The following QPCT variants were observed in gnomAD, a reference collection of about 807,000 sequenced individuals.
QPCT encodes glutaminyl-peptide cyclotransferase.
QPCT carries 44 observed loss-of-function variants against 43.4 expected under a neutral mutation model. The ratio of observed to expected loss-of-function variants is 1.01; its 90% CI spans 0.80 to 1.30. The LOEUF (loss-of-function observed/expected upper bound fraction) is 1.30. Ranked by LOEUF, QPCT falls within the 50% of genes most tolerant of loss-of-function variation. QPCT has a pLI of 0.00. For synonymous variants in QPCT, 168 were observed against 168.4 expected (o/e 1.00, Z 0.02); for missense variants, 526 against 436.5 (o/e 1.21, Z -1.83).
At chr2:37,350,927 T>C in intron 1 of QPCT, among the ~76,000 whole-genome samples, 1 of 152,274 alleles carries the variant, frequency 6.6e-6, no homozygotes, top group Non-Finnish European at 1.5e-5. Flanking sequence ...TGAGCCTTAA[T>C]GAGGTTTAGT....
Position 37,372,829 on chromosome 2 carries a change from A to T in QPCT, c.*2A>T, listed in dbSNP as rs1673110893. 6.2e-7 allele frequency: 1 copy of T among 1,601,404 alleles called. No homozygotes were observed. Among genetic ancestry groups the T allele is most frequent in the African/African-American group, 1.3e-5 (1 of 74,450 alleles). ...GTGTTGGAATATCTTCATTTGTAATACTCTGATTTAGTTTAGGATAATTGG... is the reference window on the plus strand; with the variant it reads ...GTGTTGGAATATCTTCATTTGTAATTCTCTGATTTAGTTTAGGATAATTGG... On this transcript the variant is annotated 3_prime_UTR_variant, in exon 7 of 7. Coordinates refer to ENST00000338415, the MANE Select transcript of QPCT (RefSeq NM_012413.4).
chr2:37,349,117 G>A (rs1279752595), intron 1 of QPCT, among the ~76,000 whole-genome samples: 1 of 152,224 alleles, frequency 6.6e-6, no homozygotes, highest in Non-Finnish European at 1.5e-5. Flanking sequence ...TTGACTGAGT[G>A]TAGTTGGTTG....
intron 3 of QPCT, 60 bp downstream of exon 3, chr2:37,359,918 A>T (rs999251772): frequency 5.4e-5 from 83 of 1,523,668 alleles, no homozygotes; most frequent in Non-Finnish European, 7.4e-5. Flanking sequence ...ACTCAGAGTG[A>T]ATTCTAGAAT....
chr2:37,362,216 C>T (rs938336783), intron 3 of QPCT, among the ~76,000 whole-genome samples: 2 of 152,180 alleles, frequency 1.3e-5, no homozygotes, highest in South Asian at 2.1e-4. Context: ...GAGCAGAATG[C>T]CTCTTGTCCC....
chr2:37,367,055 G>C, intron 3 of QPCT, 177 bp from the exon 4 acceptor site: 2 of 619,608 alleles, frequency 3.2e-6, no homozygotes, highest in Non-Finnish European at 5.6e-6. Context: ...GACTGTGGGA[G>C]GTGTGATGAC....
rs917714253 is a variant in QPCT at position 37,353,733 on chromosome 2, C to T, written c.267+798C>T. Among the ~76,000 whole-genome samples the T allele has an allele frequency of 5.3e-5, 8 of 152,254 alleles. No homozygotes were observed. The East Asian group carries it at 1.4e-3, about 26-fold the overall frequency. ...GAATATCTGTTTTTTTCAAACTAGCCCCATTTTAAGGGGCCGCTTGGGAAG... is the reference window on the plus strand; with the variant it reads ...GAATATCTGTTTTTTTCAAACTAGCTCCATTTTAAGGGGCCGCTTGGGAAG... On this transcript the variant is annotated intron_variant, in intron 2 of 6. Coordinates refer to ENST00000338415, the MANE Select transcript of QPCT (RefSeq NM_012413.4).
At chr2:37,369,650 G>C (rs1673032183) in intron 4 of QPCT, 35 bp from the exon 5 acceptor site, 1 of 1,451,936 alleles carries the variant, frequency 6.9e-7, no homozygotes, top group Non-Finnish European at 9.7e-7. Flanking sequence ...ACACGTTTTG[G>C]TGATGGTGAT....
intron 4 of QPCT, chr2:37,368,785 A>T (rs1271125765): frequency 2.4e-6 from 1 of 422,410 alleles, no homozygotes; most frequent in East Asian, 7.4e-5. Context: ...CAAATATATG[A>T]AGCCACAGTG....
intron 2 of QPCT, among the ~76,000 whole-genome samples, chr2:37,353,147 A>C (rs936100307): frequency 6.6e-6 from 1 of 152,194 alleles, no homozygotes; most frequent in African/African-American, 2.4e-5. Context: ...TATGTGTGAA[A>C]TCTCTATTTG....
At chr2:37,344,880 T>C in intron 1 of QPCT, 29 bp downstream of exon 1, 1 of 1,554,880 alleles carries the variant, frequency 6.4e-7, no homozygotes, top group Non-Finnish European at 8.7e-7. Flanking sequence ...GTAGTTGTAC[T>C]TGAGCGGCTC....
At position 37,344,715 on chromosome 2, in the gene QPCT, C is replaced by A. The variant is rs1451533746; in HGVS notation, c.-17C>A. 1 of 1,594,236 alleles carries A rather than the reference C, an allele frequency of 6.3e-7. No homozygotes were observed. Among genetic ancestry groups the A allele is most frequent in the Admixed American group, 1.7e-5 (1 of 57,658 alleles). ...GCCAGCGGCCCGGGGAACCCGCTCC[C>A]AGACAGACTCGGAGAGATGGCAGGC... On this transcript the variant is annotated 5_prime_UTR_variant, in exon 1 of 7. Transcript: ENST00000338415.
Position 37,367,227 on chromosome 2 carries a change from A to G in QPCT, c.547-5A>G, listed in dbSNP as rs1275496601. On this transcript the variant is annotated splice_polypyrimidine_tract_variant and splice_region_variant and intron_variant, in intron 3 of 6. Coordinates refer to ENST00000338415, the MANE Select transcript of QPCT (RefSeq NM_012413.4). ...TTGCTATGTTTTTATTGTTGTTTTTACCAGACTGTTTCAGACTCCAAGCCA... is the reference window on the plus strand; with the variant it reads ...TTGCTATGTTTTTATTGTTGTTTTTGCCAGACTGTTTCAGACTCCAAGCCA... The G allele has an allele frequency of 6.2e-7, 1 of 1,607,758 alleles. No individual in the cohort carries two copies. The highest frequency in any genetic ancestry group is 8.5e-7 in the Non-Finnish European group (1 of 1,177,298).
chr2:37,370,701 C>G (rs1274403876), intron 5 of QPCT, among the ~76,000 whole-genome samples: 4 of 152,072 alleles, frequency 2.6e-5, no homozygotes, highest in Non-Finnish European at 5.9e-5. Context: ...TTGACTAGGC[C>G]AGACCAGGTC....
intron 1 of QPCT, among the ~76,000 whole-genome samples, chr2:37,352,381 G>C (rs1672639382): frequency 1.3e-5 from 2 of 152,030 alleles, no homozygotes; most frequent in Admixed American, 6.5e-5. Flanking sequence ...CAGCTGGAGG[G>C]CTCAGTAACA....
intron 3 of QPCT, among the ~76,000 whole-genome samples, chr2:37,365,001 ATATTATTAT>A (rs141276841): frequency 6.8e-6 from 1 of 147,480 alleles, no homozygotes; most frequent in East Asian, 2.0e-4. Context: ...CGCCTCTACA[ATATTATTAT>A]TATTATTATT....
At chr2:37,360,913 A>T (rs1432930893) in intron 3 of QPCT, among the ~76,000 whole-genome samples, 2 of 152,232 alleles carry the variant, frequency 1.3e-5, no homozygotes, top group East Asian at 3.8e-4. Flanking sequence ...CACTTCTAGT[A>T]TAAGGACACA....
chr2:37,345,397 T>C (rs1371721199), intron 1 of QPCT, among the ~76,000 whole-genome samples: 1 of 152,240 alleles, frequency 6.6e-6, no homozygotes, highest in Admixed American at 6.5e-5. Flanking sequence ...GGACCTTTAC[T>C]GGAGACCTGC....
At chr2:37,362,929 A>T (rs1558605184) in intron 3 of QPCT, among the ~76,000 whole-genome samples, 1 of 145,884 alleles carries the variant, frequency 6.9e-6, no homozygotes, top group South Asian at 2.1e-4. Flanking sequence ...CCTTTGCCAC[A>T]GATGAGAAAA....
At chr2:37,364,914 TTATAA>T (rs1402732700) in intron 3 of QPCT, among the ~76,000 whole-genome samples, 15 of 150,436 alleles carry the variant, frequency 1.0e-4, no homozygotes, top group South Asian at 2.1e-4. Flanking sequence ...GTGTGTATTA[TTATAA>T]TATAATACAA....
Sources: gnomAD v4.1 joint callset for allele counts (sites outside exome capture counted in the v4.1 genomes callset) on GRCh38, gnomAD v4.1.1 for gene constraint, MANE v1.5 for transcripts, NCBI Gene and HGNC (gene_info 2026-07-23, HGNC 2026-07-21) for gene names.